ODF2L: variants seen among roughly 807,000 people sequenced by gnomAD.
ODF2L encodes the protein outer dense fiber of sperm tails 2 like.
A neutral mutation model predicts 86.3 loss-of-function variants in ODF2L; 76 were observed. That is an observed-to-expected ratio of 0.88 (90% confidence interval 0.73 to 1.07). The LOEUF is 1.07. ODF2L is among the 50% of genes least tolerant of loss of function. The pLI is 0.00. For missense variants in ODF2L, 748 were observed against 717.4 expected (o/e 1.04, Z -0.49); for synonymous variants, 241 against 231.3 (o/e 1.04, Z -0.38).
At chr1:86,367,820 G>C (rs1305038397) in intron 11 of ODF2L, among the ~76,000 whole-genome samples, 1 of 152,106 alleles carries the variant, frequency 6.6e-6, no homozygotes, top group Non-Finnish European at 1.5e-5. Context: ...AACGTGGGGA[G>C]AACAGACAAA....
At chr1:86,348,523 T>C (rs1657916833), downstream of ODF2L, 1 of 259,556 alleles carries the variant, frequency 3.9e-6, no homozygotes, top group Non-Finnish European at 6.6e-6. Context: ...TAAAAGAAAT[T>C]AAACCAAAGA....
exon 18 of ODF2L, chr1:86,350,856 T>A (rs949525285): frequency 6.6e-6 from 1 of 152,246 alleles, no homozygotes; most frequent in Non-Finnish European, 1.5e-5. Flanking sequence ...TGACCAGTGA[T>A]GAGCTTTTTT....
At chr1:86,392,359 T>C (rs1661393635) in intron 1 of ODF2L, among the ~76,000 whole-genome samples, 1 of 152,092 alleles carries the variant, frequency 6.6e-6, no homozygotes, top group African/African-American at 2.4e-5. Context: ...AAAGAAGTCA[T>C]TATATAGAAA....
chr1:86,372,815 C>G (rs1037968811), intron 8 of ODF2L, among the ~76,000 whole-genome samples: 9 of 152,174 alleles, frequency 5.9e-5, no homozygotes, highest in African/African-American at 2.2e-4. Context: ...GGAACATCTG[C>G]AGCAACCTGG....
At chr1:86,389,012 T>G (rs969953527) in intron 1 of ODF2L, among the ~76,000 whole-genome samples, 36 of 152,190 alleles carry the variant, frequency 2.4e-4, no homozygotes, top group African/African-American at 8.4e-4. Context: ...AGGACAAATA[T>G]TGTTCAGAGA....
At chr1:86,386,265 T>C (rs1300055220) in intron 2 of ODF2L, 5 of 152,216 alleles carry the variant, frequency 3.3e-5, no homozygotes, top group African/African-American at 1.2e-4. Context: ...ATATACCAAA[T>C]GACAGTGATT....
chr1:86,362,096 A>G (rs2100873119), intron 11 of ODF2L, among the ~76,000 whole-genome samples: 1 of 152,244 alleles, frequency 6.6e-6, no homozygotes, highest in South Asian at 2.1e-4. Flanking sequence ...TTAGGGGAAA[A>G]CAACAAGAAA....
exon 1 of ODF2L, chr1:86,396,262 G>C (rs115882356): frequency 6.6e-6 from 1 of 152,394 alleles, no homozygotes; most frequent in African/African-American, 2.4e-5. Flanking sequence ...CCTGCTTGCC[G>C]CAGAAGAGTG....
chr1:86,358,965 T>G (rs968404874), intron 12 of ODF2L, 74 bp from the exon 12 acceptor site: 3 of 719,736 alleles, frequency 4.2e-6, no homozygotes, highest in African/African-American at 1.9e-5. Context: ...AATTTAAAAT[T>G]TCATTTTAAA....
intron 3 of ODF2L, 53 bp downstream of exon 3, chr1:86,385,405 T>C: frequency 8.8e-7 from 1 of 1,130,574 alleles, no homozygotes; most frequent in Non-Finnish European, 1.3e-6. Flanking sequence ...AGTTAATGCA[T>C]TCTGAGTATT....
intron 1 of ODF2L, among the ~76,000 whole-genome samples, chr1:86,387,867 A>AT (rs980818439): frequency 2.5e-4 from 38 of 152,058 alleles, no homozygotes; most frequent in African/African-American, 7.2e-4. Context: ...GGTTTTCTAC[A>AT]TTTTTTTGGA....
chr1:86,366,519 T>C (rs973761452), intron 11 of ODF2L, among the ~76,000 whole-genome samples: 7 of 150,460 alleles, frequency 4.7e-5, no homozygotes, highest in African/African-American at 9.7e-5. Context: ...AAGCGGGAGA[T>C]TGCTTGAGCC....
At chr1:86,367,616 C>T (rs1168984993) in intron 11 of ODF2L, among the ~76,000 whole-genome samples, 2 of 148,494 alleles carry the variant, frequency 1.3e-5, no homozygotes, top group Non-Finnish European at 3.0e-5. Flanking sequence ...GCAAAGAGTA[C>T]AACAAGCAGG....
intron 11 of ODF2L, among the ~76,000 whole-genome samples, chr1:86,362,134 G>T (rs1659081387): frequency 6.6e-6 from 1 of 152,032 alleles, no homozygotes; most frequent in Admixed American, 6.6e-5. Context: ...AGAGAAAAAA[G>T]GGGAAGAGTG....
chr1:86,354,462 C>CA lies in ODF2L; in HGVS notation c.1767+67dup. 5 of 1,006,316 alleles carry CA rather than the reference C, an allele frequency of 5.0e-6. No homozygotes were observed. In the South Asian group the frequency reaches 7.7e-5, roughly 15 times the overall value. The allele number at this position is 1,006,316 out of a possible 1,614,324, so 62.3% of individuals were successfully genotyped here. Reference sequence around the variant, plus strand: ...GGACAAAAACAATAACTACAGGTTGCAAGATGTTTAAAAAGATGACTCTTT... The same window carrying CA: ...GGACAAAAACAATAACTACAGGTTGCAAAGATGTTTAAAAAGATGACTCTTT... On this transcript the variant is annotated intron_variant, in intron 16 of 17. Transcript: ENST00000317336.
intron 11 of ODF2L, chr1:86,360,997 T>A (rs1320715572): frequency 6.6e-6 from 1 of 152,102 alleles, no homozygotes; most frequent in Non-Finnish European, 1.5e-5. Context: ...TAAAGAAGCA[T>A]CAAATGAATT....
chr1:86,362,169 A>T (rs1659084397), intron 11 of ODF2L, among the ~76,000 whole-genome samples: 2 of 152,126 alleles, frequency 1.3e-5, no homozygotes, highest in South Asian at 4.1e-4. Context: ...TGGAAGAAGA[A>T]GAGAGGTAAT....
intron 4 of ODF2L, among the ~76,000 whole-genome samples, chr1:86,383,822 T>C (rs1199488661): frequency 6.6e-6 from 1 of 151,766 alleles, no homozygotes; most frequent in Non-Finnish European, 1.5e-5. Flanking sequence ...CAAGTTAAGA[T>C]TCCTTTCTAT....
chr1:86,380,725 T>C (rs944833829), intron 7 of ODF2L, among the ~76,000 whole-genome samples: 2 of 152,142 alleles, frequency 1.3e-5, no homozygotes, highest in African/African-American at 2.4e-5. Context: ...TCTGTATACA[T>C]GTCACATTTT....
Sources: gnomAD v4.1 joint callset for allele counts (sites outside exome capture counted in the v4.1 genomes callset) on GRCh38, gnomAD v4.1.1 for gene constraint, MANE v1.5 for transcripts, NCBI Gene and HGNC (gene_info 2026-07-23, HGNC 2026-07-21) for gene names.